Variants in TMEM140 observed in about 807,000 individuals in gnomAD.
TMEM140 encodes transmembrane protein 140.
For missense variants in TMEM140, 236 were observed against 228.5 expected (o/e 1.03, Z -0.21); for synonymous variants, 107 against 106.8 (o/e 1.00, Z -0.01).
intron 1 of TMEM140, among the ~76,000 whole-genome samples, chr7:135,153,462 A>G (rs533732785): frequency 1.2e-4 from 18 of 151,786 alleles, no homozygotes; most frequent in African/African-American, 4.3e-4. Flanking sequence ...TCCACAAAAA[A>G]AAAAAAAAAA....
chr7:135,160,959 C>T (rs147028679), intron 1 of TMEM140, among the ~76,000 whole-genome samples: 50 of 152,202 alleles, frequency 3.3e-4, no homozygotes, highest in Middle Eastern at 3.4e-3. Context: ...TGAGGATGGG[C>T]AGATGGGAAT....
Position 135,165,467 on chromosome 7 carries a change from C to T in TMEM140, c.*468C>T, listed in dbSNP as rs568196395. ...CTCTGGGGACATGGTTAAGGAGCTT[C>T]CACTCAGCCCACCATAGTGAGTGGG... is the stretch of plus-strand genomic sequence containing the variant. On this transcript the variant is annotated 3_prime_UTR_variant, in exon 2 of 2. Transcript: ENST00000275767. The T allele has an allele frequency of 1.0e-3, 174 of 172,258 alleles. 1 individual carries two copies. The highest frequency in any genetic ancestry group is 0.01 in the Middle Eastern group (3 of 300). The allele number at this position is 172,258 out of a possible 1,614,324, so 10.7% of individuals were successfully genotyped here. A position where few individuals can be genotyped will look rare whatever the true frequency, so the allele number is the denominator to read the frequency against.
intron 1 of TMEM140, among the ~76,000 whole-genome samples, chr7:135,153,768 T>C (rs1829720789): frequency 6.6e-6 from 1 of 152,252 alleles, no homozygotes; most frequent in African/African-American, 2.4e-5. Context: ...GATTTTTGCA[T>C]CTACGTTCAC....
intron 1 of TMEM140, among the ~76,000 whole-genome samples, chr7:135,153,342 T>C (rs1829708118): frequency 6.6e-6 from 1 of 150,952 alleles, no homozygotes; most frequent in Middle Eastern, 3.4e-3. Flanking sequence ...TAGTCCTAGC[T>C]ACTCGGGAGG....
rs184070965 is a variant in TMEM140, at chr7:135,153,616, G to A, written c.-25+5346G>A. 3.3e-5 allele frequency among the ~76,000 whole-genome samples: 5 copies of A among 152,224 alleles called. No homozygotes were observed. In the East Asian group the frequency reaches 7.7e-4, roughly 23 times the overall value. ...ATTTCTCAAAGAACTGAAAAACCAC[G>A]CAATCCAGCAACCTGGGGTATCATA... On this transcript the variant is annotated intron_variant, in intron 1 of 1. Transcript: ENST00000275767.
intron 1 of TMEM140, chr7:135,152,674 T>C (rs1243966904): frequency 1.3e-5 from 2 of 152,226 alleles, no homozygotes; most frequent in Non-Finnish European, 2.9e-5. Flanking sequence ...CACCTTCCAC[T>C]GATCAAAGAG....
Position 135,164,713 on chromosome 7 carries a change from T to G in TMEM140, c.272T>G (p.Leu91Arg). ...GCCAGGCTTGGCGTGTACGGGTCCC[T>G]GGTCCTCACCCTCTTTGCCCCCCAG... ...GLARLGVYGS[L>R]VLTLFAPQPL... Residue 91 changes from leucine to arginine, a missense_variant, in exon 2 of 2, where the codon CTG becomes CGG. Coordinates refer to ENST00000275767, the MANE Select transcript of TMEM140 (RefSeq NM_018295.5). The G allele has an allele frequency of 6.2e-7, 1 of 1,614,234 alleles. No homozygotes were observed. The highest frequency in any genetic ancestry group is 8.5e-7 in the Non-Finnish European group (1 of 1,180,032).
At chr7:135,152,610 A>C (rs1001820223) in intron 1 of TMEM140, among the ~76,000 whole-genome samples, 1 of 152,214 alleles carries the variant, frequency 6.6e-6, no homozygotes, top group African/African-American at 2.4e-5. Flanking sequence ...AGAGATTTTG[A>C]GGTCTGTTTT....
intron 1 of TMEM140, among the ~76,000 whole-genome samples, chr7:135,163,513 C>T (rs1830001317): frequency 1.3e-5 from 2 of 151,970 alleles, no homozygotes; most frequent in Non-Finnish European, 2.9e-5. Context: ...GGCATGGTGG[C>T]GGGTGCCTGT....
chr7:135,164,904 G>C lies in TMEM140; in HGVS notation c.463G>C (p.Gly155Arg). 6.2e-7 allele frequency: 1 copy of C among 1,614,220 alleles called. No homozygotes were observed. Among genetic ancestry groups the C allele is most frequent in the Non-Finnish European group, 8.5e-7 (1 of 1,180,024 alleles). ...SLPGPGFLAL[G>R]SAQALLILLL... ...CCCGGGGCCTGGGTTTCTAGCTCTG[G>C]GCAGCGCCCAGGCCTTACTCATCCT... The change falls in exon 2 of 2, where the codon GGC (glycine) becomes CGC (arginine). Residue 155 changes from glycine (G) to arginine (R), a missense_variant. Transcript: ENST00000275767.
intron 1 of TMEM140, among the ~76,000 whole-genome samples, chr7:135,157,365 G>A (rs1004839858): frequency 7.2e-5 from 11 of 152,236 alleles, no homozygotes; most frequent in Non-Finnish European, 1.3e-4. Context: ...TCCTCAGTGG[G>A]ATAGAGTATG....
intron 1 of TMEM140, 107 bp downstream of exon 1, chr7:135,148,377 G>C: frequency 9.3e-6 from 3 of 321,530 alleles, no homozygotes; most frequent in South Asian, 5.2e-5. Flanking sequence ...TCCACATAGG[G>C]GAACTCACTG....
chr7:135,163,545 T>G (rs1355456051), intron 1 of TMEM140, among the ~76,000 whole-genome samples: 1 of 152,102 alleles, frequency 6.6e-6, no homozygotes, highest in East Asian at 1.9e-4. Flanking sequence ...CTCGGGAGGC[T>G]GAGGCAGGAG....
Position 135,164,551 on chromosome 7 carries a change from GCAA to G in TMEM140, c.112_114del (p.Asn38del). The G allele has an allele frequency of 6.2e-7, 1 of 1,614,186 alleles. No homozygotes were observed. Among genetic ancestry groups the G allele is most frequent in the Non-Finnish European group, 8.5e-7 (1 of 1,179,992 alleles). ...TTTTACGCTCTTCTCTGGGAGGCTG[GCAA>G]CCTCACTGACCTGCCCAACCTGAGA... On this transcript the variant is annotated inframe_deletion, in exon 2 of 2. Transcript: ENST00000275767.
At chr7:135,150,036 T>C (rs1829631914) in intron 1 of TMEM140, among the ~76,000 whole-genome samples, 1 of 152,198 alleles carries the variant, frequency 6.6e-6, no homozygotes, top group African/African-American at 2.4e-5. Context: ...GCTCTTAAGT[T>C]CCAAATTTTA....
rs1027975880 is a variant in TMEM140, at chr7:135,165,192, A to G, written c.*193A>G. 2 of 581,792 alleles carry G rather than the reference A, an allele frequency of 3.4e-6. No individual in the cohort carries two copies. Among genetic ancestry groups the G allele is most frequent in the African/African-American group, 3.7e-5 (2 of 53,648 alleles). 36.0% of individuals were successfully genotyped at this position (581,792 alleles called of 1,614,324 possible). On this transcript the variant is annotated 3_prime_UTR_variant, in exon 2 of 2. Transcript: ENST00000275767. The stretch of plus-strand genomic sequence containing the variant: ...CAGGGCACCTGTGACTTCTTAGTAC[A>G]AGATTGTCTGTCCTTCAGGACTTCC...
chr7:135,149,542 T>C (rs1829620964), intron 1 of TMEM140, among the ~76,000 whole-genome samples: 1 of 152,220 alleles, frequency 6.6e-6, no homozygotes, highest in Non-Finnish European at 1.5e-5. Context: ...AGGATAGATT[T>C]ATAAAAGTGG....
chr7:135,165,680 C>A lies in TMEM140; in HGVS notation c.*681C>A, dbSNP rs564842060. 8 of 167,104 alleles carry A rather than the reference C, an allele frequency of 4.8e-5. No homozygotes were observed. Among genetic ancestry groups the A allele is most frequent in the South Asian group, 2.1e-4 (1 of 4,832 alleles). 10.4% of individuals were successfully genotyped at this position (167,104 alleles called of 1,614,324 possible). ...ACTCCCATGATGAGACCCTGGAGGACTCCAAATCCTCGCTGTGAACAGGAC... is the reference window on the plus strand; with the variant it reads ...ACTCCCATGATGAGACCCTGGAGGAATCCAAATCCTCGCTGTGAACAGGAC... On this transcript the variant is annotated 3_prime_UTR_variant, in exon 2 of 2. Coordinates refer to ENST00000275767, the MANE Select transcript of TMEM140 (RefSeq NM_018295.5).
intron 1 of TMEM140, among the ~76,000 whole-genome samples, chr7:135,153,853 G>A (rs139041813): frequency 9.9e-4 from 150 of 152,274 alleles, no homozygotes; most frequent in African/African-American, 3.3e-3. Flanking sequence ...CCCTGGCCTC[G>A]GAGAATCAGT....
Sources: allele counts gnomAD v4.1 joint callset (sites outside exome capture counted in the v4.1 genomes callset), GRCh38; gene constraint gnomAD v4.1.1; transcripts MANE v1.5; gene names NCBI Gene and HGNC (gene_info 2026-07-23, HGNC 2026-07-21).